The following CHCHD6 variants were observed in gnomAD, a reference collection of about 807,000 sequenced individuals.
The protein encoded by CHCHD6 is coiled-coil-helix-coiled-coil-helix domain containing 6.
Under a neutral mutation model 32.3 loss-of-function variants are expected in CHCHD6, and 28 were observed. The observed-to-expected ratio is 0.87, with a 90% CI of 0.64 to 1.19. The LOEUF (loss-of-function observed/expected upper bound fraction) is 1.19. Ranked by LOEUF, CHCHD6 falls within the 50% of genes most tolerant of loss-of-function variation. CHCHD6 has a pLI of 0.00. For synonymous variants in CHCHD6, 122 were observed against 117.5 expected, an observed-to-expected ratio of 1.04 and a Z score of -0.25; for missense variants, 333 against 307.0, an observed-to-expected ratio of 1.08 and a Z score of -0.63.
At chr3:126,944,755 A>G (rs1243918000) in intron 6 of CHCHD6, among the ~76,000 whole-genome samples, 3 of 152,236 alleles carry the variant, frequency 2.0e-5, no homozygotes, top group Admixed American at 1.3e-4. Flanking sequence ...GCAGACAGAC[A>G]TGGGGGCAGA....
chr3:126,865,585 TC>T, intron 5 of CHCHD6: 1 of 985,288 alleles, frequency 1.0e-6, no homozygotes, highest in African/African-American at 1.7e-5. Flanking sequence ...TCCCTCTTCC[TC>T]TACCACCTCC....
intron 4 of CHCHD6, among the ~76,000 whole-genome samples, chr3:126,838,604 C>G (rs1278199934): frequency 2.6e-5 from 4 of 152,202 alleles, no homozygotes; most frequent in Non-Finnish European, 1.5e-5. Flanking sequence ...TCCAAGCTGG[C>G]TTATGGAAGG....
Position 126,704,250 on chromosome 3 carries a change from T to G in CHCHD6, c.-63T>G, listed in dbSNP as rs1319457486. On this transcript the variant is annotated 5_prime_UTR_variant, in exon 1 of 8. Transcript: ENST00000290913. The stretch of plus-strand genomic sequence containing the variant: ...CCGCGCGAGTCCTGGAAAGCGTTGT[T>G]GGCCCGGTTGCTCTGGAGCCGGGTC... 1.5e-6 allele frequency: 2 copies of G among 1,366,382 alleles called. No homozygotes were observed. The highest frequency in any genetic ancestry group is 2.9e-5 in the African/African-American group (2 of 70,060). The allele number at this position is 1,366,382 out of a possible 1,614,324, so 84.6% of individuals were successfully genotyped here. A position where few individuals can be genotyped will look rare whatever the true frequency, so the allele number is the denominator to read the frequency against.
At chr3:126,737,614 C>T (rs1279285485) in intron 4 of CHCHD6, among the ~76,000 whole-genome samples, 7 of 151,966 alleles carry the variant, frequency 4.6e-5, no homozygotes, top group Admixed American at 2.0e-4. Context: ...ACTCGAGGAG[C>T]AAGGAGGCAG....
At chr3:126,750,989 T>C (rs1055309843) in intron 4 of CHCHD6, among the ~76,000 whole-genome samples, 2 of 152,156 alleles carry the variant, frequency 1.3e-5, no homozygotes, top group African/African-American at 4.8e-5. Flanking sequence ...CTTGACCTCT[T>C]GAGGATCTGG....
intron 4 of CHCHD6, among the ~76,000 whole-genome samples, chr3:126,757,343 C>T (rs1030555122): frequency 6.6e-6 from 1 of 152,028 alleles, no homozygotes; most frequent in Non-Finnish European, 1.5e-5. Flanking sequence ...ACTTTGTCAC[C>T]CTATCTGGAA....
intron 4 of CHCHD6, among the ~76,000 whole-genome samples, chr3:126,822,506 CCT>C (rs1940194604): frequency 6.6e-6 from 1 of 152,130 alleles, no homozygotes; most frequent in Non-Finnish European, 1.5e-5. Context: ...AGATGTGAGT[CCT>C]CTACTTCTGT....
At chr3:126,794,942 A>T (rs1938721860) in intron 4 of CHCHD6, among the ~76,000 whole-genome samples, 1 of 152,210 alleles carries the variant, frequency 6.6e-6, no homozygotes, top group Non-Finnish European at 1.5e-5. Flanking sequence ...CTGTATCTGG[A>T]GAGCCACATC....
chr3:126,726,241 G>T (rs1935526700), intron 1 of CHCHD6, among the ~76,000 whole-genome samples: 1 of 152,208 alleles, frequency 6.6e-6, no homozygotes, highest in African/African-American at 2.4e-5. Context: ...TCAGGGGATA[G>T]AAAGGCCCAA....
At chr3:126,928,047 A>T (rs1452962044) in intron 6 of CHCHD6, among the ~76,000 whole-genome samples, 1 of 152,178 alleles carries the variant, frequency 6.6e-6, no homozygotes, top group Non-Finnish European at 1.5e-5. Context: ...GAAGTTGTTC[A>T]TTGGTAAAGC....
At chr3:126,713,409 C>T (rs955213265) in intron 1 of CHCHD6, among the ~76,000 whole-genome samples, 6 of 152,146 alleles carry the variant, frequency 3.9e-5, no homozygotes, top group Non-Finnish European at 5.9e-5. Flanking sequence ...GGCATGTTTC[C>T]GGGCCTGGCT....
intron 5 of CHCHD6, among the ~76,000 whole-genome samples, chr3:126,859,398 G>T (rs557312775): frequency 3.7e-4 from 56 of 152,116 alleles, no homozygotes; most frequent in Non-Finnish European, 7.1e-4. Flanking sequence ...AAAGAATAAT[G>T]GTGCCATTAA....
intron 5 of CHCHD6, among the ~76,000 whole-genome samples, chr3:126,879,971 A>G (rs549911639): frequency 1.3e-5 from 2 of 152,368 alleles, no homozygotes; most frequent in South Asian, 4.1e-4. Context: ...CAAAATAAGA[A>G]CAAGTGTTGG....
intron 4 of CHCHD6, among the ~76,000 whole-genome samples, chr3:126,755,039 C>T (rs967408278): frequency 1.3e-5 from 2 of 152,100 alleles, no homozygotes; most frequent in Non-Finnish European, 2.9e-5. Flanking sequence ...TCCTCGAGTA[C>T]CTGAAGAACG....
intron 4 of CHCHD6, among the ~76,000 whole-genome samples, chr3:126,763,654 C>T (rs1471895441): frequency 1.3e-5 from 2 of 152,038 alleles, no homozygotes; most frequent in African/African-American, 2.4e-5. Context: ...TTTCTTTTAG[C>T]GTATATTCTT....
chr3:126,782,436 T>C (rs4679131), intron 4 of CHCHD6, among the ~76,000 whole-genome samples: 21,795 of 152,246 alleles, frequency 0.14, 1,713 homozygotes, highest in South Asian at 0.28. Context: ...TCATACGCTT[T>C]AGAGAAAGGA....
chr3:126,762,279 C>A (rs1034357121), intron 4 of CHCHD6, among the ~76,000 whole-genome samples: 4 of 152,130 alleles, frequency 2.6e-5, no homozygotes, highest in African/African-American at 9.7e-5. Flanking sequence ...AAGATGTATG[C>A]TGTAAATTTC....
At chr3:126,788,281 A>G (rs1576416403) in intron 4 of CHCHD6, among the ~76,000 whole-genome samples, 1 of 152,134 alleles carries the variant, frequency 6.6e-6, no homozygotes, top group Non-Finnish European at 1.5e-5. Flanking sequence ...TTGGTCTAAA[A>G]TTCTCTTTTT....
intron 4 of CHCHD6, among the ~76,000 whole-genome samples, chr3:126,790,296 G>A (rs1938460405): frequency 6.6e-6 from 1 of 152,094 alleles, no homozygotes; most frequent in African/African-American, 2.4e-5. Context: ...TGACAGTTAT[G>A]TGTCTTGGAG....
Sources: allele counts gnomAD v4.1 joint callset (sites outside exome capture counted in the v4.1 genomes callset), GRCh38; gene constraint gnomAD v4.1.1; transcripts MANE v1.5; gene names NCBI Gene and HGNC (gene_info 2026-07-23, HGNC 2026-07-21).